Variants in ARHGAP31 observed in about 807,000 individuals in gnomAD.
The protein encoded by ARHGAP31 is rho GTPase-activating protein 31.
ARHGAP31 carries 34 observed loss-of-function variants against 113.9 expected under a neutral mutation model. That is an observed-to-expected ratio of 0.30 (90% confidence interval 0.23 to 0.40). The LOEUF is 0.40. Ranked by LOEUF, ARHGAP31 falls within the 10% of genes least tolerant of loss-of-function variation. ARHGAP31 has a pLI of 1.00. For missense variants in ARHGAP31, 1,548 were observed against 1,767.1 expected (o/e 0.88, Z 2.22); for synonymous variants, 650 against 684.8 (o/e 0.95, Z 0.79).
At position 119,322,843 on chromosome 3, in the gene ARHGAP31, G is replaced by C. The variant is rs116927859; in HGVS notation, c.100+27839G>C. ...TACAGGGGGCTCCGCCAGGGGGAGG[G>C]GGAGAGGGGCTCCCTTCAAACTCGG... On this transcript the variant is annotated intron_variant, in intron 1 of 11. Transcript: ENST00000264245. 6.5e-3 allele frequency: 1,002 copies of C among 153,308 alleles called. 16 individuals are homozygous for C. Among genetic ancestry groups the C allele is most frequent in the East Asian group, 0.062 (321 of 5,196 alleles). 9.5% of individuals were successfully genotyped at this position (153,308 alleles called of 1,614,324 possible). A position where few individuals can be genotyped will look rare whatever the true frequency, so the allele number is the denominator to read the frequency against.
chr3:119,387,158 C>A (rs914120288), intron 6 of ARHGAP31, among the ~76,000 whole-genome samples: 1 of 152,184 alleles, frequency 6.6e-6, no homozygotes, highest in Non-Finnish European at 1.5e-5. Context: ...TCCTTGACAC[C>A]TTTTGCTACC....
At chr3:119,374,352 G>A (rs1045232980) in intron 3 of ARHGAP31, among the ~76,000 whole-genome samples, 2 of 151,996 alleles carry the variant, frequency 1.3e-5, no homozygotes, top group Non-Finnish European at 1.5e-5. Context: ...TTCTCCCTTC[G>A]CCTTCCACCA....
rs570979066 is a variant in ARHGAP31, at chr3:119,357,140, T to C, written c.101-8176T>C. Among the ~76,000 whole-genome samples the C allele has an allele frequency of 2.6e-5, 4 of 152,294 alleles. No individual in the cohort carries two copies. In the East Asian group the frequency reaches 7.7e-4, roughly 29 times the overall value. ...AGTTTTAATTTGCAGTGGAATTGAA[T>C]TTAGATAATTCTAGAAAGTGCCACA... On this transcript the variant is annotated intron_variant, in intron 1 of 11. Coordinates refer to ENST00000264245, the MANE Select transcript of ARHGAP31 (RefSeq NM_020754.4).
At chr3:119,409,248 T>C (rs2080692459) in intron 10 of ARHGAP31, among the ~76,000 whole-genome samples, 1 of 152,226 alleles carries the variant, frequency 6.6e-6, no homozygotes, top group Non-Finnish European at 1.5e-5. Context: ...AGGAGCAAGA[T>C]GGTCCCTGGT....
intron 1 of ARHGAP31, among the ~76,000 whole-genome samples, chr3:119,329,108 C>A (rs1031913343): frequency 6.6e-6 from 1 of 152,148 alleles, no homozygotes; most frequent in Non-Finnish European, 1.5e-5. Flanking sequence ...ACCTAAAAGT[C>A]GTATGGCAAG....
Position 119,415,406 on chromosome 3 carries a change from C to A in ARHGAP31, c.3477C>A (p.Ser1159=), listed in dbSNP as rs766329047. The change falls in exon 12 of 12, where the codon TCC becomes TCA. Residue 1159 remains serine (S), a synonymous_variant. Coordinates refer to ENST00000264245, the MANE Select transcript of ARHGAP31 (RefSeq NM_020754.4). The stretch of plus-strand genomic sequence containing the variant: ...AAGCAGACCCCTGGAGGGTTTACTC[C>A]CAGGACCCCCAGGACCTGGACATTG... ...YCKADPWRVY[S]QDPQDLDIVA... The A allele has an allele frequency of 6.2e-7, 1 of 1,613,888 alleles. No homozygotes were observed. Among genetic ancestry groups the A allele is most frequent in the Non-Finnish European group, 8.5e-7 (1 of 1,180,034 alleles).
chr3:119,339,292 A>G (rs2079987640), intron 1 of ARHGAP31, among the ~76,000 whole-genome samples: 1 of 152,220 alleles, frequency 6.6e-6, no homozygotes, highest in African/African-American at 2.4e-5. Context: ...TGGAGAAGGA[A>G]CAAATCAAAG....
At position 119,327,565 on chromosome 3, in the gene ARHGAP31, T is replaced by C. The variant is rs561253901; in HGVS notation, c.100+32561T>C. Among the ~76,000 whole-genome samples the C allele has an allele frequency of 2.4e-4, 37 of 152,132 alleles. No homozygotes were observed. In the South Asian group the frequency reaches 7.3e-3, roughly 30 times the overall value. On this transcript the variant is annotated intron_variant, in intron 1 of 11. Transcript: ENST00000264245. ...GTCTCAAAAAAATAAATAAATAAAG[T>C]AAAATAAAATAAATTACAACATCCT...
chr3:119,383,990 A>T (rs2080425958), intron 6 of ARHGAP31, among the ~76,000 whole-genome samples: 1 of 152,182 alleles, frequency 6.6e-6, no homozygotes, highest in African/African-American at 2.4e-5. Flanking sequence ...ATATGTTTGG[A>T]GTGTGGCTGA....
chr3:119,321,385 C>T (rs2079784365), intron 1 of ARHGAP31, among the ~76,000 whole-genome samples: 1 of 147,376 alleles, frequency 6.8e-6, no homozygotes. Context: ...ATAATACATG[C>T]TTATCCTCAT....
chr3:119,300,958 G>A (rs1046884158), intron 1 of ARHGAP31, among the ~76,000 whole-genome samples: 6 of 152,144 alleles, frequency 3.9e-5, no homozygotes, highest in Admixed American at 1.3e-4. Flanking sequence ...CAGCAACTTC[G>A]TGGGCTTAAG....
At chr3:119,404,822 A>G (rs1163174775) in intron 10 of ARHGAP31, among the ~76,000 whole-genome samples, 1 of 152,210 alleles carries the variant, frequency 6.6e-6, no homozygotes, top group Non-Finnish European at 1.5e-5. Flanking sequence ...AATCAATGTA[A>G]TCATCATGGT....
At chr3:119,382,839 A>G (rs958333281) in intron 5 of ARHGAP31, among the ~76,000 whole-genome samples, 3 of 152,224 alleles carry the variant, frequency 2.0e-5, no homozygotes, top group South Asian at 2.1e-4. Flanking sequence ...CAATTTCTGT[A>G]TGTTTACAGG....
intron 6 of ARHGAP31, among the ~76,000 whole-genome samples, chr3:119,385,656 C>T (rs1242919041): frequency 6.6e-6 from 1 of 152,166 alleles, no homozygotes; most frequent in Non-Finnish European, 1.5e-5. Flanking sequence ...ATTCCACATG[C>T]AGCATTTCAT....
intron 11 of ARHGAP31, 31 bp downstream of exon 11, chr3:119,409,807 G>A: frequency 5.8e-6 from 9 of 1,556,066 alleles, no homozygotes; most frequent in Non-Finnish European, 7.8e-6. Context: ...GCTCCAGCCA[G>A]GTGGAGTTAT....
At chr3:119,343,275 CTG>C (rs1275499519) in intron 1 of ARHGAP31, among the ~76,000 whole-genome samples, 1 of 152,182 alleles carries the variant, frequency 6.6e-6, no homozygotes, top group Non-Finnish European at 1.5e-5. Context: ...GTCAGAGAGA[CTG>C]GGCTTAAATA....
chr3:119,297,945 C>CACACACACACACACACACACACACACA (rs1559958490), intron 1 of ARHGAP31, among the ~76,000 whole-genome samples: 1 of 150,640 alleles, frequency 6.6e-6, no homozygotes, highest in African/African-American at 2.5e-5. Context: ...CACACACACA[C>CACACACACACACACACACACACACACA]CGTGTATGCA....
At position 119,405,554 on chromosome 3, in the gene ARHGAP31, A is replaced by G. The variant is rs202011590; in HGVS notation, c.1645+3157A>G. On this transcript the variant is annotated intron_variant, in intron 10 of 11. Coordinates refer to ENST00000264245, the MANE Select transcript of ARHGAP31 (RefSeq NM_020754.4). ...TTCCACTGCCTCCCATCTGCCAAAC[A>G]TATTTCACATAGCCACACTACCCTC... Among the ~76,000 whole-genome samples, 8 of 152,266 alleles carry G rather than the reference A, an allele frequency of 5.3e-5. No homozygotes were observed. In the East Asian group the frequency reaches 1.4e-3, roughly 26 times the overall value.
chr3:119,360,058 C>T (rs2080192867), intron 1 of ARHGAP31, among the ~76,000 whole-genome samples: 1 of 152,178 alleles, frequency 6.6e-6, no homozygotes, highest in Admixed American at 6.5e-5. Flanking sequence ...TTTCCTCCGG[C>T]TCCTTTGTCA....
Sources: gnomAD v4.1 joint callset for allele counts (sites outside exome capture counted in the v4.1 genomes callset) on GRCh38, gnomAD v4.1.1 for gene constraint, MANE v1.5 for transcripts, NCBI Gene and HGNC (gene_info 2026-07-23, HGNC 2026-07-21) for gene names.